ZC3H12B: variants seen among roughly 807,000 people sequenced by gnomAD.
The protein encoded by ZC3H12B is probable ribonuclease ZC3H12B.
Under a neutral mutation model 43.9 loss-of-function variants are expected in ZC3H12B, and 7 were observed. The observed-to-expected ratio is 0.16, with a 90% CI of 0.09 to 0.30. The LOEUF (loss-of-function observed/expected upper bound fraction) is 0.30, where lower values mean the gene tolerates loss of function less well. ZC3H12B is among the 10% of genes least tolerant of loss of function. The probability of loss-of-function intolerance (pLI) is 1.00; values close to 1 mark genes in which losing one functional copy is unlikely to be tolerated. For missense variants in ZC3H12B, 475 were observed against 670.2 expected (o/e 0.71, Z 3.22); for synonymous variants, 222 against 241.7 (o/e 0.92, Z 0.76).
chrX:65,379,859 G>A (rs2066410633), intron 2 of ZC3H12B, among the ~76,000 whole-genome samples: 1 of 112,025 alleles, frequency 8.9e-6, no homozygotes, highest in African/African-American at 3.2e-5. Context: ...GGGTGTCAAC[G>A]ATGGAAGATG....
chrX:65,195,434 C>T, the ZC3H12B span, among the ~76,000 whole-genome samples: 6 of 111,784 alleles, frequency 5.4e-5, no homozygotes, highest in South Asian at 3.7e-4. Flanking sequence ...AACAAACAAG[C>T]GAAGAGAACA....
At chrX:65,414,003 A>G (rs1311835716) in intron 3 of ZC3H12B, among the ~76,000 whole-genome samples, 1 of 112,066 alleles carries the variant, frequency 8.9e-6, no homozygotes, top group African/African-American at 3.2e-5. Context: ...CCTTGGTTAC[A>G]TTTATTTCTA....
intron 3 of ZC3H12B, among the ~76,000 whole-genome samples, chrX:65,437,896 C>A (rs2067240911): frequency 8.9e-6 from 1 of 112,338 alleles, no homozygotes; most frequent in Non-Finnish European, 1.9e-5. Flanking sequence ...ATATTTAAGT[C>A]TTTAATCTTC....
At chrX:65,171,691 G>A in the ZC3H12B span, among the ~76,000 whole-genome samples, 7 of 110,932 alleles carry the variant, frequency 6.3e-5, no homozygotes, top group East Asian at 2.9e-4. Flanking sequence ...TGGCTCCACC[G>A]AGTTTGAGTT....
intron 3 of ZC3H12B, 128 bp from the exon 9 acceptor site, chrX:65,499,754 AC>A: frequency 1.9e-6 from 1 of 513,966 alleles, no homozygotes; most frequent in Non-Finnish European, 3.4e-6. Flanking sequence ...CAGAGGATAG[AC>A]TTGAGGCAGG....
the ZC3H12B span, among the ~76,000 whole-genome samples, chrX:65,226,413 A>G: frequency 1.8e-5 from 2 of 111,732 alleles, no homozygotes; most frequent in Admixed American, 1.9e-4. Context: ...GCCACTGCAA[A>G]ATCATGCCAA....
intron 2 of ZC3H12B, among the ~76,000 whole-genome samples, chrX:65,373,922 CTA>C (rs1444822935): frequency 2.2e-4 from 12 of 54,856 alleles, no homozygotes; most frequent in Non-Finnish European, 2.8e-4. Context: ...TATATATATA[CTA>C]TATATATAGT....
At chrX:65,337,273 T>C in the ZC3H12B span, among the ~76,000 whole-genome samples, 1 of 111,926 alleles carries the variant, frequency 8.9e-6, no homozygotes, top group East Asian at 2.8e-4. Flanking sequence ...AGAAAGATGT[T>C]ACCAGAATGG....
At chrX:65,090,139 T>C in the ZC3H12B span, among the ~76,000 whole-genome samples, 1 of 112,624 alleles carries the variant, frequency 8.9e-6, no homozygotes, top group Non-Finnish European at 1.9e-5. Flanking sequence ...TACTTTTATA[T>C]GCATGGCAGT....
chrX:65,373,418 G>C (rs1192549341), intron 2 of ZC3H12B, among the ~76,000 whole-genome samples: 1 of 111,363 alleles, frequency 9.0e-6, no homozygotes, highest in Admixed American at 9.5e-5. Context: ...TATAAATCAT[G>C]CTGCTATAAA....
chrX:65,494,758 A>G (rs892816939), intron 1 of ZC3H12B, among the ~76,000 whole-genome samples: 3 of 108,346 alleles, frequency 2.8e-5, no homozygotes, highest in Non-Finnish European at 5.7e-5. Context: ...TCCAGCCTGG[A>G]TAACAGAGCA....
At chrX:65,264,956 A>T in the ZC3H12B span, among the ~76,000 whole-genome samples, 3 of 111,637 alleles carry the variant, frequency 2.7e-5, no homozygotes, top group African/African-American at 9.8e-5. Flanking sequence ...TGGATAGGAA[A>T]CTGCGATTTA....
At chrX:65,385,686 A>G (rs781777279) in intron 2 of ZC3H12B, among the ~76,000 whole-genome samples, 1 of 111,500 alleles carries the variant, frequency 9.0e-6, no homozygotes, top group South Asian at 3.8e-4. Context: ...ACTGTGTTGA[A>G]TAGGAATGGT....
At chrX:65,069,772 A>G in the ZC3H12B span, among the ~76,000 whole-genome samples, 1 of 112,206 alleles carries the variant, frequency 8.9e-6, no homozygotes, top group Non-Finnish European at 1.9e-5. Flanking sequence ...CATGTGTTGA[A>G]CCAACCCTGC....
chrX:65,251,156 G>A, the ZC3H12B span, among the ~76,000 whole-genome samples: 1 of 111,711 alleles, frequency 9.0e-6, no homozygotes, highest in African/African-American at 3.3e-5. Flanking sequence ...TTCTACATAT[G>A]GCTAGCCAGT....
At chrX:65,231,589 G>A in the ZC3H12B span, among the ~76,000 whole-genome samples, 209 of 110,970 alleles carry the variant, frequency 1.9e-3, no homozygotes, top group African/African-American at 6.6e-3. Context: ...CTTCTCCAGG[G>A]TCTCAATTAT....
the ZC3H12B span, among the ~76,000 whole-genome samples, chrX:65,250,875 C>T: frequency 1.8e-4 from 20 of 111,504 alleles, no homozygotes; most frequent in South Asian, 3.8e-4. Flanking sequence ...AATTTTCTCC[C>T]ATTCTGTAGG....
At chrX:65,101,098 A>G in the ZC3H12B span, among the ~76,000 whole-genome samples, 1 of 112,115 alleles carries the variant, frequency 8.9e-6, no homozygotes, top group East Asian at 2.8e-4. Flanking sequence ...AACTCACTCA[A>G]AATGGCACAT....
chrX:65,192,888 C>T, the ZC3H12B span, among the ~76,000 whole-genome samples: 3 of 110,842 alleles, frequency 2.7e-5, no homozygotes, highest in Non-Finnish European at 5.7e-5. Context: ...ATTTTCCTGC[C>T]TCAGCCTCCT....
Sources: gnomAD v4.1 joint callset for allele counts (sites outside exome capture counted in the v4.1 genomes callset) on GRCh38, gnomAD v4.1.1 for gene constraint, MANE v1.5 for transcripts, NCBI Gene and HGNC (gene_info 2026-07-23, HGNC 2026-07-21) for gene names.